PPP4R3B: variants seen among roughly 807,000 people sequenced by gnomAD.
PPP4R3B encodes the protein serine/threonine-protein phosphatase 4 regulatory subunit 3B.
A neutral mutation model predicts 95.4 loss-of-function variants in PPP4R3B; 52 were observed. That is an observed-to-expected ratio of 0.54 (90% CI 0.44 to 0.69). The LOEUF is 0.69. Among genes scored for constraint, PPP4R3B ranks in the 30% least tolerant of loss-of-function variants. The probability of loss-of-function intolerance (pLI) is 0.00; values close to 1 mark genes in which losing one functional copy is unlikely to be tolerated. For synonymous variants in PPP4R3B, 407 were observed against 343.9 expected (o/e 1.18, Z -2.03); for missense variants, 1,003 against 1,005.9 (o/e 1.00, Z 0.04).
chr2:55,566,524 C>A (rs1687315052), intron 13 of PPP4R3B, among the ~76,000 whole-genome samples: 1 of 152,182 alleles, frequency 6.6e-6, no homozygotes, highest in South Asian at 2.1e-4. Flanking sequence ...CATGTTCCTT[C>A]TTTTACCAGG....
intron 6 of PPP4R3B, among the ~76,000 whole-genome samples, chr2:55,585,992 A>G (rs59722606): frequency 0.044 from 6,705 of 152,268 alleles, 185 homozygotes; most frequent in South Asian, 0.086. Flanking sequence ...TTGTGAATCT[A>G]AACACCTTCT....
chr2:55,557,423 G>A (rs975142349), intron 16 of PPP4R3B, among the ~76,000 whole-genome samples: 4 of 152,106 alleles, frequency 2.6e-5, no homozygotes, highest in Admixed American at 6.5e-5. Flanking sequence ...GGACTCCTGC[G>A]CTCAAGCGAT....
chr2:55,575,599 C>A (rs1290827127), intron 11 of PPP4R3B, among the ~76,000 whole-genome samples: 1 of 152,084 alleles, frequency 6.6e-6, no homozygotes, highest in Non-Finnish European at 1.5e-5. Context: ...GGATATACCA[C>A]CATGCCCAGT....
At chr2:55,597,787 G>A (rs933933872) in intron 4 of PPP4R3B, among the ~76,000 whole-genome samples, 5 of 152,076 alleles carry the variant, frequency 3.3e-5, no homozygotes, top group African/African-American at 1.2e-4. Context: ...GGCAACAAGA[G>A]CAAAACTCCA....
rs1558957509 is a variant in PPP4R3B at position 55,564,974 on chromosome 2, T to C, written c.2003A>G (p.Tyr668Cys). The C allele has an allele frequency of 1.9e-6, 3 of 1,610,008 alleles. No homozygotes were observed. Among genetic ancestry groups the C allele is most frequent in the Non-Finnish European group, 2.5e-6 (3 of 1,178,104 alleles). The change falls in exon 14 of 17, where the codon TAT becomes TGT. Residue 668 changes from tyrosine (Y) to cysteine (C), a missense_variant. Transcript: ENST00000616407. ...CTTCAATCCTTTGAATGTCTGAACA[T>C]ATTCAATCGATTCAAGTGCTTTATA... ...NFYKALESIE[Y>C]VQTFKGLKTK...
chr2:55,574,716 C>T (rs1311086924), intron 11 of PPP4R3B, among the ~76,000 whole-genome samples: 1 of 151,532 alleles, frequency 6.6e-6, no homozygotes, highest in Non-Finnish European at 1.5e-5. Context: ...GCCTTAGCCT[C>T]CCGAGTAGAT....
chr2:55,576,594 C>G (rs938613060), intron 11 of PPP4R3B, among the ~76,000 whole-genome samples: 1 of 150,448 alleles, frequency 6.6e-6, no homozygotes, highest in Admixed American at 6.7e-5. Flanking sequence ...TACAAAAAAT[C>G]GGGAGGCTGA....
At chr2:55,611,177 A>ATTATT (rs377423723) in intron 2 of PPP4R3B, among the ~76,000 whole-genome samples, 37 of 151,960 alleles carry the variant, frequency 2.4e-4, no homozygotes, top group African/African-American at 8.4e-4. Context: ...CTTGTTTTTT[A>ATTATT]TTAAGATATG....
chr2:55,552,258 A>T (rs1449082601), intron 16 of PPP4R3B, among the ~76,000 whole-genome samples: 1 of 152,242 alleles, frequency 6.6e-6, no homozygotes, highest in African/African-American at 2.4e-5. Context: ...TTTAATATGT[A>T]TCTAGAAATG....
chr2:55,616,390 G>A (rs1320149383), intron 1 of PPP4R3B: 1 of 152,144 alleles, frequency 6.6e-6, no homozygotes, highest in Non-Finnish European at 1.5e-5. Flanking sequence ...TTTTCTAACT[G>A]CCTATATCAG....
At chr2:55,612,597 C>G (rs923344020) in intron 2 of PPP4R3B, among the ~76,000 whole-genome samples, 1 of 151,986 alleles carries the variant, frequency 6.6e-6, no homozygotes, top group Non-Finnish European at 1.5e-5. Flanking sequence ...TTTAAAGGTG[C>G]AAATTTAGCC....
At chr2:55,591,569 T>G (rs1467815098) in intron 4 of PPP4R3B, 3 of 984,254 alleles carry the variant, frequency 3.0e-6, no homozygotes, top group Admixed American at 6.1e-5. Context: ...TCTTCATCCT[T>G]TACTACCTGA....
At chr2:55,616,229 G>C (rs1000042525) in intron 1 of PPP4R3B, among the ~76,000 whole-genome samples, 1 of 152,052 alleles carries the variant, frequency 6.6e-6, no homozygotes, top group African/African-American at 2.4e-5. Context: ...CATCATGACA[G>C]GGATTAAATA....
chr2:55,596,411 T>A (rs1189676693), intron 4 of PPP4R3B, among the ~76,000 whole-genome samples: 3 of 152,200 alleles, frequency 2.0e-5, no homozygotes, highest in African/African-American at 7.2e-5. Context: ...GACAATACCA[T>A]GTGCAGGACT....
chr2:55,592,077 C>T (rs967597670), intron 4 of PPP4R3B, among the ~76,000 whole-genome samples: 12 of 152,122 alleles, frequency 7.9e-5, no homozygotes, highest in Admixed American at 3.9e-4. Context: ...TCTAAACAGT[C>T]TAAATCAAAC....
chr2:55,602,171 A>C (rs1692710757), intron 3 of PPP4R3B, among the ~76,000 whole-genome samples: 1 of 152,164 alleles, frequency 6.6e-6, no homozygotes, highest in African/African-American at 2.4e-5. Flanking sequence ...TTTATAGGAA[A>C]AGTTAGTTGT....
chr2:55,586,699 C>T lies in PPP4R3B; in HGVS notation c.1035G>A (p.Gln345=). 1 of 1,604,954 alleles carries T rather than the reference C, an allele frequency of 6.2e-7. No homozygotes were observed. Reference sequence around the variant, plus strand: ...CATCCCTGTTTTGAGGTTGTAATGTCTGAGAAAATGCACAAAACTCCTTGA... The same window carrying T: ...CATCCCTGTTTTGAGGTTGTAATGTTTGAGAAAATGCACAAAACTCCTTGA... ...NFFKEFCAFS[Q]TLQPQNRDAF... Residue 345 remains glutamine, a synonymous_variant, in exon 6 of 17, where the codon CAG becomes CAA. Coordinates refer to ENST00000616407, the MANE Select transcript of PPP4R3B (RefSeq NM_001122964.3).
In PPP4R3B at chr2:55,615,486, T is replaced by C. The variant is rs1344002235; in HGVS notation, c.163A>G (p.Lys55Glu). The C allele has an allele frequency of 1.3e-6, 2 of 1,593,440 alleles. No individual in the cohort carries two copies. Among genetic ancestry groups the C allele is most frequent in the African/African-American group, 1.4e-5 (1 of 74,022 alleles). Residue 55 changes from lysine (K) to glutamate (E), a missense_variant, in exon 2 of 17, where the codon AAG (lysine) becomes GAG (glutamate). Lys to Glu is a moderately conservative substitution (Grantham distance 56, BLOSUM62 1). Coordinates refer to ENST00000616407, the MANE Select transcript of PPP4R3B (RefSeq NM_001122964.3). ...TGATATGCAGTATTTGGATTTATCT[T>C]TGATTCCAAGAGTAGTGATCCTGAA... The part of the protein sequence containing the change: ...ESDGSLLLES[K>E]INPNTAYQKQ...
At chr2:55,569,248 G>A (rs1558966683) in intron 12 of PPP4R3B, among the ~76,000 whole-genome samples, 1 of 152,124 alleles carries the variant, frequency 6.6e-6, no homozygotes, top group Non-Finnish European at 1.5e-5. Context: ...TTGCCAAGCA[G>A]ACCATGGTCT....
Sources: allele counts gnomAD v4.1 joint callset (sites outside exome capture counted in the v4.1 genomes callset), GRCh38; gene constraint gnomAD v4.1.1; transcripts MANE v1.5; gene names NCBI Gene and HGNC (gene_info 2026-07-23, HGNC 2026-07-21).